UTP14A: variants seen among roughly 807,000 people sequenced by gnomAD.
UTP14A encodes the protein U3 small nucleolar RNA-associated protein 14 homolog A.
UTP14A carries 5 observed loss-of-function variants against 57.2 expected under a neutral mutation model. That is an observed-to-expected ratio of 0.09 (90% CI 0.05 to 0.18). The LOEUF (loss-of-function observed/expected upper bound fraction) is 0.18, where lower values mean the gene tolerates loss of function less well. Ranked by LOEUF, UTP14A falls within the 10% of genes least tolerant of loss-of-function variation. The pLI, the probability that UTP14A is intolerant of heterozygous loss-of-function variation, is 1.00. For missense variants in UTP14A, 430 were observed against 562.1 expected (o/e 0.76, Z 2.38); for synonymous variants, 169 against 210.9 (o/e 0.80, Z 1.72).
chrX:129,907,723 A>G (rs757569991), intron 2 of UTP14A, among the ~76,000 whole-genome samples: 39 of 111,928 alleles, frequency 3.5e-4, no homozygotes, highest in South Asian at 1.1e-3. Context: ...TTGGGAGGCC[A>G]AGGCGGGCAG....
At chrX:129,921,103 T>G (rs1929892228) in intron 10 of UTP14A, 91 bp from the exon 11 acceptor site, 1 of 1,135,833 alleles carries the variant, frequency 8.8e-7, no homozygotes, top group Non-Finnish European at 1.2e-6. Context: ...CCAAGTCAAA[T>G]TGAGAGGAGG....
intron 11 of UTP14A, among the ~76,000 whole-genome samples, chrX:129,923,432 G>A (rs1192179241): frequency 8.9e-6 from 1 of 111,815 alleles, no homozygotes; most frequent in African/African-American, 3.3e-5. Context: ...ATGCCACCAC[G>A]CCCAGCTAAT....
rs1019590956 is a variant in UTP14A at position 129,921,590 on chromosome X, G to A, written c.1348+3G>A. Reference sequence around the variant, plus strand: ...AGCAGGCAGTCAAGAAACAAAAGGTGAGCTGTGATCAAATGGAAGAGGGAA... The same window carrying A: ...AGCAGGCAGTCAAGAAACAAAAGGTAAGCTGTGATCAAATGGAAGAGGGAA... On this transcript the variant is annotated splice_donor_region_variant and intron_variant, in intron 11 of 14. Coordinates refer to ENST00000394422, the MANE Select transcript of UTP14A (RefSeq NM_006649.4). 3 of 1,204,421 alleles carry A rather than the reference G, an allele frequency of 2.5e-6. No individual in the cohort carries two copies. The highest frequency in any genetic ancestry group is 2.2e-6 in the Non-Finnish European group (2 of 893,010).
At position 129,921,354 on chromosome X, in the gene UTP14A, C is replaced by T. The variant is rs896275603; in HGVS notation, c.1115C>T (p.Pro372Leu). The change falls in exon 11 of 15, where the codon CCG (proline) becomes CTG (leucine). Residue 372 changes from proline to leucine, a missense_variant. By Grantham distance (98) the Pro-to-Leu change is moderately conservative. This residue lies in a region of UTP14A where 83 missense variants were observed against 140.4 expected (regional missense o/e 0.59). Transcript: ENST00000394422. ...GAAGTGCAGATGAATGCAGATGGGC[C>T]GAATCCCTGGATGCTCAGGAGCTGC... ...VNEVQMNADG[P>L]NPWMLRSCTS... The T allele has an allele frequency of 1.2e-5, 15 of 1,211,418 alleles. No individual in the cohort carries two copies. The highest frequency in any genetic ancestry group is 1.3e-5 in the Non-Finnish European group (12 of 895,464).
rs777902752 is a variant in UTP14A at position 129,907,374 on chromosome X, G to T, written c.34G>T (p.Ala12Ser). 9 of 1,205,969 alleles carry T rather than the reference G, an allele frequency of 7.5e-6. No individual in the cohort carries two copies. Among genetic ancestry groups the T allele is most frequent in the African/African-American group, 1.8e-5 (1 of 56,906 alleles). Residue 12 changes from alanine (A) to serine (S), a missense_variant, in exon 2 of 15, where the codon GCT becomes TCT. Physicochemically the swap from Ala to Ser is moderately conservative, Grantham distance 99 (BLOSUM62 1). Transcript: ENST00000394422. ...TANRLAESLL[A>S]LSQQEELADL... is the part of the protein sequence containing the mutation. ...TGTTGCCTCTTTTAACAGCCTTCTG[G>T]CTTTGAGCCAACAGGAAGAACTAGC...
intron 4 of UTP14A, among the ~76,000 whole-genome samples, chrX:129,909,502 C>T (rs772285974): frequency 3.6e-5 from 4 of 111,535 alleles, no homozygotes; most frequent in Non-Finnish European, 5.7e-5. Flanking sequence ...AGCCACCGTG[C>T]GCGGCCTCAA....
In UTP14A at chrX:129,929,599, T is replaced by C. The variant is rs571476637; in HGVS notation, c.2307T>C (p.Ser769=). The C allele has an allele frequency of 1.7e-6, 2 of 1,208,682 alleles. No individual in the cohort carries two copies. Among genetic ancestry groups the C allele is most frequent in the Admixed American group, 4.4e-5 (2 of 45,946 alleles). ...ACAAAAAACAGCTGAAGAAATGCTC[T>C]GTAGATTGAGTTGCTGGAGGAGTGA... is the stretch of plus-strand genomic sequence containing the variant. The part of the protein sequence containing the change: ...TRHKKQLKKC[S]VD The change falls in exon 15 of 15, where the codon TCT becomes TCC. Residue 769 remains serine, a synonymous_variant. Coordinates refer to ENST00000394422, the MANE Select transcript of UTP14A (RefSeq NM_006649.4).
At chrX:129,911,651 G>A (rs971466062) in intron 5 of UTP14A, 115 bp from the exon 6 acceptor site, 14 of 896,191 alleles carry the variant, frequency 1.6e-5, no homozygotes, top group Non-Finnish European at 2.2e-5. Context: ...CCTGATTCTA[G>A]CATCCTGATT....
intron 11 of UTP14A, chrX:129,922,415 A>G (rs1216810563): frequency 9.0e-6 from 1 of 111,688 alleles, no homozygotes; most frequent in Non-Finnish European, 1.9e-5. Context: ...CAAAAGAATT[A>G]TTTTTTTCTA....
Position 129,921,495 on chromosome X carries a change from T to C in UTP14A, c.1256T>C (p.Ile419Thr). 1 of 1,211,122 alleles carries C rather than the reference T, an allele frequency of 8.3e-7. No homozygotes were observed. Among genetic ancestry groups the C allele is most frequent in the Non-Finnish European group, 1.1e-6 (1 of 895,392 alleles). Reference sequence around the variant, plus strand: ...GAAAGACCAGTGGCAGAAGAAGAAATTTTGTTGAGAGAATTTGAGGAAAGG... The same window carrying C: ...GAAAGACCAGTGGCAGAAGAAGAAACTTTGTTGAGAGAATTTGAGGAAAGG... ...GEERPVAEEE[I>T]LLREFEERRS... Residue 419 changes from isoleucine (I) to threonine (T), a missense_variant, in exon 11 of 15, where the codon ATT (isoleucine) becomes ACT (threonine). Transcript: ENST00000394422.
chrX:129,913,515 T>C (rs1813330675), intron 6 of UTP14A: 2 of 281,145 alleles, frequency 7.1e-6, no homozygotes, highest in African/African-American at 5.7e-5. Flanking sequence ...AAGTAACCAC[T>C]TGCATAAGTT....
At chrX:129,927,052 A>G (rs1930131572) in intron 14 of UTP14A, among the ~76,000 whole-genome samples, 1 of 111,744 alleles carries the variant, frequency 8.9e-6, no homozygotes, top group South Asian at 3.7e-4. Context: ...CTATATAACT[A>G]GAAAATAGGC....
chrX:129,920,381 G>C, intron 8 of UTP14A, 76 bp from the exon 9 acceptor site: 1 of 1,192,287 alleles, frequency 8.4e-7, no homozygotes, highest in Non-Finnish European at 1.1e-6. Context: ...GGAACCCATT[G>C]GGTAGTATGG....
chrX:129,920,005 A>G (rs765114466), intron 8 of UTP14A, among the ~76,000 whole-genome samples: 1 of 111,415 alleles, frequency 9.0e-6, no homozygotes, highest in Non-Finnish European at 1.9e-5. Context: ...CCTGGCCAAC[A>G]TGGCGAAACC....
chrX:129,907,325 G>A (rs776094186), intron 1 of UTP14A, 42 bp from the exon 2 acceptor site: 2 of 1,087,748 alleles, frequency 1.8e-6, no homozygotes, highest in South Asian at 4.1e-5. Context: ...TTTGTTACAT[G>A]GGTATATTGC....
intron 2 of UTP14A, among the ~76,000 whole-genome samples, chrX:129,907,686 A>G (rs1025207608): frequency 1.8e-5 from 2 of 112,252 alleles, no homozygotes; most frequent in Admixed American, 1.9e-4. Context: ...GGCCCGGGTG[A>G]TGGCTCATGC....
At chrX:129,929,243 T>C in intron 14 of UTP14A, 93 bp from the exon 15 acceptor site, 1 of 1,071,773 alleles carries the variant, frequency 9.3e-7, no homozygotes, top group Non-Finnish European at 1.3e-6. Context: ...AACCGTGGCC[T>C]GTACCAAAAC....
At chrX:129,907,989 A>C (rs765241464) in intron 2 of UTP14A, 71 bp from the exon 3 acceptor site, 83 of 883,231 alleles carry the variant, frequency 9.4e-5, no homozygotes, top group Non-Finnish European at 1.2e-4. Context: ...GAGATTTTAC[A>C]TGAGACTCAA....
chrX:129,911,305 A>G (rs1488710780), intron 5 of UTP14A, among the ~76,000 whole-genome samples, 155 bp downstream of exon 5: 1 of 111,127 alleles, frequency 9.0e-6, no homozygotes, highest in East Asian at 2.8e-4. Context: ...TAGGAGTGCC[A>G]GGCGCGGTGG....
Sources: gnomAD v4.1 joint callset for allele counts (sites outside exome capture counted in the v4.1 genomes callset) on GRCh38, gnomAD v4.1.1 for gene constraint, gnomAD v4.1.1 regional missense constraint, MANE v1.5 for transcripts, NCBI Gene and HGNC (gene_info 2026-07-23, HGNC 2026-07-21) for gene names.